The following DCLK1 variants were observed in gnomAD, a reference collection of about 807,000 sequenced individuals.
The protein encoded by DCLK1 is serine/threonine-protein kinase DCLK1.
Under a neutral mutation model 86.2 loss-of-function variants are expected in DCLK1, and 16 were observed. The observed-to-expected ratio is 0.19, with a 90% CI of 0.13 to 0.28. The LOEUF (loss-of-function observed/expected upper bound fraction) is 0.28. Ranked by LOEUF, DCLK1 falls within the 10% of genes least tolerant of loss-of-function variation. The pLI, the probability that DCLK1 is intolerant of heterozygous loss-of-function variation, is 1.00. For missense variants in DCLK1, 590 were observed against 940.2 expected (o/e 0.63, Z 4.87); for synonymous variants, 369 against 370.5 (o/e 1.00, Z 0.05).
At chr13:36,096,071 T>C (rs1357008215) in intron 3 of DCLK1, among the ~76,000 whole-genome samples, 3 of 152,170 alleles carry the variant, frequency 2.0e-5, no homozygotes, top group Non-Finnish European at 4.4e-5. Context: ...GAAAGGGTTT[T>C]TTGTATGTAA....
chr13:35,993,257 C>T (rs1245215860), intron 3 of DCLK1, among the ~76,000 whole-genome samples: 2 of 152,204 alleles, frequency 1.3e-5, no homozygotes, highest in Non-Finnish European at 2.9e-5. Flanking sequence ...TGCCTTCGAT[C>T]AATCACCTCT....
rs766641915 is a variant in DCLK1 at position 35,839,115 on chromosome 13, T to C, written c.1097A>G (p.Asp366Gly). 6.9e-6 allele frequency: 11 copies of C among 1,599,890 alleles called. No individual in the cohort carries two copies. The highest frequency in any genetic ancestry group is 1.7e-6 in the Non-Finnish European group (2 of 1,173,504). ...LASTKVCSSM[D>G]ENDGPGEEVS... ...ACCTTCTCCAGGGCCATCGTTCTCATCCATCGAGCTGCAGACTTTGGTGGA... is the reference window on the plus strand; with the variant it reads ...ACCTTCTCCAGGGCCATCGTTCTCACCCATCGAGCTGCAGACTTTGGTGGA... The change falls in exon 7 of 17, where the codon GAT becomes GGT. Residue 366 changes from aspartate to glycine, a missense_variant. Around this residue, in one of 6 missense-constraint regions of DCLK1, gnomAD observed 63 missense variants for 64.3 expected, o/e 0.98. Coordinates refer to ENST00000360631, the MANE Select transcript of DCLK1 (RefSeq NM_001330071.2).
rs1218615626 is a variant in DCLK1, at chr13:36,122,859, G to C, written c.376+2903C>G. ...AATCATAGACACACACATTCACACT[G>C]ACTATATGATTTTGGCTCAGCTAAA... On this transcript the variant is annotated intron_variant, in intron 2 of 16. Coordinates refer to ENST00000360631, the MANE Select transcript of DCLK1 (RefSeq NM_001330071.2). Among the ~76,000 whole-genome samples, 21 of 152,150 alleles carry C rather than the reference G, an allele frequency of 1.4e-4. 1 individual carries two copies. Among genetic ancestry groups the C allele is most frequent in the Non-Finnish European group, 3.1e-4 (21 of 68,032 alleles).
intron 3 of DCLK1, among the ~76,000 whole-genome samples, chr13:35,998,162 T>A (rs914375305): frequency 2.0e-5 from 3 of 152,116 alleles, no homozygotes; most frequent in Admixed American, 2.0e-4. Context: ...TTAAGAAGTA[T>A]AAGAAAGTGT....
chr13:35,804,294 CTAT>C (rs1302222602), intron 15 of DCLK1, among the ~76,000 whole-genome samples: 1 of 90,260 alleles, frequency 1.1e-5, no homozygotes, highest in African/African-American at 8.3e-5. Context: ...CCATGCCTAG[CTAT>C]TTTTTTTTTT....
chr13:35,903,056 C>T (rs1736269203), intron 4 of DCLK1, among the ~76,000 whole-genome samples: 1 of 152,128 alleles, frequency 6.6e-6, no homozygotes, highest in African/African-American at 2.4e-5. Flanking sequence ...AATGGCTCTT[C>T]AGCAGCCTTC....
intron 4 of DCLK1, among the ~76,000 whole-genome samples, chr13:35,919,909 TG>T (rs1052837351): frequency 3.0e-5 from 1 of 33,830 alleles, no homozygotes. Context: ...TGCGGGGGGG[TG>T]GGGGGGTTGT....
chr13:36,107,612 G>A (rs1384422294), intron 3 of DCLK1, among the ~76,000 whole-genome samples: 1 of 152,088 alleles, frequency 6.6e-6, no homozygotes, highest in African/African-American at 2.4e-5. Flanking sequence ...TGTCATTGCT[G>A]TATTTCAGTG....
At chr13:36,020,587 T>C (rs1384171829) in intron 3 of DCLK1, among the ~76,000 whole-genome samples, 4 of 151,668 alleles carry the variant, frequency 2.6e-5, no homozygotes, top group Non-Finnish European at 5.9e-5. Context: ...GAAAAAACAA[T>C]GAAGAAAAAT....
rs777529442 is a variant in DCLK1 at position 35,774,492 on chromosome 13, A to C, written c.*43T>G. On this transcript the variant is annotated 3_prime_UTR_variant, in exon 17 of 17. Coordinates refer to ENST00000360631, the MANE Select transcript of DCLK1 (RefSeq NM_001330071.2). ...CAAATTTGGGGGAAAAAAATCTCAG[A>C]GTCTCAAAGGGTTAAGCTAGGACTT... The C allele has an allele frequency of 6.5e-6, 10 of 1,542,108 alleles. 1 individual carries two copies. The South Asian group carries it at 1.2e-4, about 18-fold the overall frequency.
chr13:35,924,095 C>T (rs1197109121), intron 4 of DCLK1, among the ~76,000 whole-genome samples: 2 of 152,170 alleles, frequency 1.3e-5, no homozygotes, highest in Non-Finnish European at 2.9e-5. Flanking sequence ...CCAAAGTATA[C>T]TTCTCCCTGA....
chr13:35,818,770 G>T (rs1374989960), intron 11 of DCLK1, among the ~76,000 whole-genome samples: 3 of 151,928 alleles, frequency 2.0e-5, no homozygotes, highest in Non-Finnish European at 4.4e-5. Context: ...GTGGTGACTT[G>T]TGTAAACTGA....
chr13:35,988,776 A>G (rs984788542), intron 3 of DCLK1, among the ~76,000 whole-genome samples: 1 of 152,196 alleles, frequency 6.6e-6, no homozygotes, highest in Non-Finnish European at 1.5e-5. Context: ...AAAGTTGCCC[A>G]TGTTGCAATG....
chr13:36,014,003 G>C (rs557293470), intron 3 of DCLK1, among the ~76,000 whole-genome samples: 1 of 152,160 alleles, frequency 6.6e-6, no homozygotes, highest in Admixed American at 6.5e-5. Flanking sequence ...TCTTTGACTC[G>C]GAAAGGGAAC....
At chr13:36,005,479 C>T (rs1880907470) in intron 3 of DCLK1, among the ~76,000 whole-genome samples, 1 of 152,142 alleles carries the variant, frequency 6.6e-6, no homozygotes, top group African/African-American at 2.4e-5. Flanking sequence ...CAAACTATTA[C>T]TAACTTCATT....
chr13:35,955,289 G>T (rs1464782934), intron 3 of DCLK1, among the ~76,000 whole-genome samples: 1 of 151,946 alleles, frequency 6.6e-6, no homozygotes, highest in Non-Finnish European at 1.5e-5. Context: ...CCTAGACTGG[G>T]TGGCTTGTAA....
Position 36,101,869 on chromosome 13 carries a change from G to A in DCLK1, c.723+10000C>T, listed in dbSNP as rs530629384. Among the ~76,000 whole-genome samples the A allele has an allele frequency of 9.2e-5, 14 of 151,916 alleles. No individual in the cohort carries two copies. In the East Asian group the frequency reaches 9.7e-4, roughly 11 times the overall value. ...AGGGATTCTTCTGCCTCAGCCTCCC[G>A]AGTGGCTGGTATTACAGGCACCCAC... On this transcript the variant is annotated intron_variant, in intron 3 of 16. Coordinates refer to ENST00000360631, the MANE Select transcript of DCLK1 (RefSeq NM_001330071.2).
intron 2 of DCLK1, among the ~76,000 whole-genome samples, chr13:36,121,324 T>C (rs1046631221): frequency 2.0e-5 from 3 of 152,168 alleles, no homozygotes; most frequent in Non-Finnish European, 4.4e-5. Flanking sequence ...TTATCCATGG[T>C]TTCAGTTACC....
At chr13:35,875,006 T>G (rs1311749977) in intron 4 of DCLK1, among the ~76,000 whole-genome samples, 1 of 152,248 alleles carries the variant, frequency 6.6e-6, no homozygotes, top group African/African-American at 2.4e-5. Flanking sequence ...GCTGCAGGCA[T>G]GATGGAGAAC....
Sources: gnomAD v4.1 joint callset for allele counts (sites outside exome capture counted in the v4.1 genomes callset) on GRCh38, gnomAD v4.1.1 for gene constraint, gnomAD v4.1.1 regional missense constraint, MANE v1.5 for transcripts, NCBI Gene and HGNC (gene_info 2026-07-23, HGNC 2026-07-21) for gene names.